RASSF5: variants seen among roughly 807,000 people sequenced by gnomAD.
RASSF5 encodes Ras association domain family member 5, also known as ras association domain-containing protein 5.
A neutral mutation model predicts 40.5 loss-of-function variants in RASSF5; 25 were observed. The observed-to-expected ratio is 0.62, with a 90% CI of 0.45 to 0.86. The LOEUF (loss-of-function observed/expected upper bound fraction) is 0.86, where lower values mean the gene tolerates loss of function less well. Among genes scored for constraint, RASSF5 ranks in the 40% least tolerant of loss-of-function variants. The pLI is 0.00. For synonymous variants in RASSF5, 246 were observed against 252.4 expected (o/e 0.97, Z 0.24); for missense variants, 521 against 572.8 (o/e 0.91, Z 0.92).
At chr1:206,518,563 G>T in intron 1 of RASSF5, 2 of 398,646 alleles carry the variant, frequency 5.0e-6, no homozygotes, top group South Asian at 2.6e-4. Flanking sequence ...AAGCCAATCT[G>T]ACTGGGGGAG....
chr1:206,559,858 G>A (rs1435656786), intron 2 of RASSF5, among the ~76,000 whole-genome samples: 1 of 152,222 alleles, frequency 6.6e-6, no homozygotes. Flanking sequence ...GCAGGGCTGG[G>A]TGAGCAAGTG....
Position 206,536,458 on chromosome 1 carries a change from C to T in RASSF5, c.458-1714C>T, listed in dbSNP as rs1397226124. Among the ~76,000 whole-genome samples the T allele has an allele frequency of 2.0e-5, 3 of 151,996 alleles. No individual in the cohort carries two copies. In the East Asian group the frequency reaches 5.8e-4, roughly 29 times the overall value. Reference sequence around the variant, plus strand: ...GTGTGTCCCCACATTTGTCAGGGTGCTCCCCTATGGACATTAGTGGCAAAA... The same window carrying T: ...GTGTGTCCCCACATTTGTCAGGGTGTTCCCCTATGGACATTAGTGGCAAAA... On this transcript the variant is annotated intron_variant, in intron 1 of 5. Coordinates refer to ENST00000579436, the MANE Select transcript of RASSF5 (RefSeq NM_182663.4).
At chr1:206,551,441 A>G (rs1419955379) in intron 2 of RASSF5, among the ~76,000 whole-genome samples, 1 of 152,176 alleles carries the variant, frequency 6.6e-6, no homozygotes, top group Non-Finnish European at 1.5e-5. Context: ...AGCTTTCTCC[A>G]TGGCTCCTTC....
In RASSF5 at chr1:206,507,897, C is replaced by T; in HGVS notation, c.295C>T (p.Arg99Ter). The T allele has an allele frequency of 6.7e-7, 1 of 1,503,098 alleles. No individual in the cohort carries two copies. The highest frequency in any genetic ancestry group is 8.8e-7 in the Non-Finnish European group (1 of 1,133,346). The allele number at this position is 1,503,098 out of a possible 1,614,324, so 93.1% of individuals were successfully genotyped here. A position where few individuals can be genotyped will look rare whatever the true frequency, so the allele number is the denominator to read the frequency against. Residue 99 changes from arginine to a stop codon, truncating the protein, a stop_gained, in exon 1 of 6, where the codon CGA becomes TGA. Transcript: ENST00000579436. LOFTEE classifies it high-confidence loss of function. ...ACTGCGGCGGCGGCCTGGAGCGCCC[C>T]GACCCCGCGACGTGCGGAGCATCTT... is the stretch of plus-strand genomic sequence containing the variant. ...QRLRRRPGAP[R>*]PRDVRSIFEQ...
chr1:206,573,532 AC>A (rs1668527576), intron 2 of RASSF5, among the ~76,000 whole-genome samples: 1 of 152,232 alleles, frequency 6.6e-6, no homozygotes, highest in African/African-American at 2.4e-5. Context: ...TCACTACTGC[AC>A]TGTAATTCCT....
chr1:206,545,345 GTTTTTT>G (rs10709687), intron 2 of RASSF5, among the ~76,000 whole-genome samples: 1 of 130,268 alleles, frequency 7.7e-6, no homozygotes, highest in Admixed American at 7.7e-5. Context: ...AATTTCTTGT[GTTTTTT>G]TTTTTTTTTT....
chr1:206,569,916 G>A (rs1553403930), intron 2 of RASSF5, among the ~76,000 whole-genome samples: 1 of 152,154 alleles, frequency 6.6e-6, no homozygotes, highest in Non-Finnish European at 1.5e-5. Flanking sequence ...TGGAGGCCCA[G>A]TTGCTTAGAT....
At chr1:206,548,694 T>C (rs1294563005) in intron 2 of RASSF5, among the ~76,000 whole-genome samples, 3 of 152,206 alleles carry the variant, frequency 2.0e-5, no homozygotes, top group Non-Finnish European at 4.4e-5. Context: ...TCTGTGGATT[T>C]ATAGTTTTCA....
rs566648939 is a variant in RASSF5, at chr1:206,580,164, G to A, written c.580-3105G>A. Among the ~76,000 whole-genome samples the A allele has an allele frequency of 4.6e-5, 7 of 152,284 alleles. No homozygotes were observed. The South Asian group carries it at 1.5e-3, about 32-fold the overall frequency. The stretch of plus-strand genomic sequence containing the variant: ...GTGGTGGGAAGGGGAGAGATAGATG[G>A]GTCTATCTGCTGAAGAAAGGGGAAC... On this transcript the variant is annotated intron_variant, in intron 2 of 5. Coordinates refer to ENST00000579436, the MANE Select transcript of RASSF5 (RefSeq NM_182663.4).
chr1:206,537,854 A>G (rs1667456809), intron 1 of RASSF5, among the ~76,000 whole-genome samples: 1 of 152,228 alleles, frequency 6.6e-6, no homozygotes, highest in Non-Finnish European at 1.5e-5. Flanking sequence ...TGGGAGGCAG[A>G]AGTTCTGACC....
intron 2 of RASSF5, among the ~76,000 whole-genome samples, chr1:206,554,529 G>C (rs1553401488): frequency 6.6e-6 from 1 of 152,228 alleles, no homozygotes; most frequent in African/African-American, 2.4e-5. Flanking sequence ...GGCTCTGGCT[G>C]CTACAGCTTT....
intron 5 of RASSF5, 84 bp downstream of exon 5, chr1:206,585,379 A>G: frequency 1.0e-6 from 1 of 956,484 alleles, no homozygotes; most frequent in East Asian, 2.4e-5. Context: ...TACCTCACAT[A>G]GGTGGGAGCC....
intron 2 of RASSF5, among the ~76,000 whole-genome samples, chr1:206,549,022 C>T (rs1235919213): frequency 2.6e-5 from 4 of 152,030 alleles, no homozygotes; most frequent in African/African-American, 9.7e-5. Flanking sequence ...CCTGCCAACG[C>T]TCCCAGCTAA....
chr1:206,551,510 T>C (rs1667840118), intron 2 of RASSF5, among the ~76,000 whole-genome samples: 1 of 152,234 alleles, frequency 6.6e-6, no homozygotes, highest in Admixed American at 6.5e-5. Context: ...CAGTGATTCC[T>C]TTGCACTGGA....
rs1667855439 is a variant in RASSF5 at position 206,552,034 on chromosome 1, G to A, written c.579+13741G>A. 6.6e-6 allele frequency among the ~76,000 whole-genome samples: 1 copy of A among 152,220 alleles called. No individual in the cohort carries two copies. Among genetic ancestry groups the A allele is most frequent in the Non-Finnish European group, 1.5e-5 (1 of 68,036 alleles). ...CAGACCCTGACATGAGTTCTTGAGGGTGTGGACAACTGGGGTAACTCAGCT... is the reference window on the plus strand; with the variant it reads ...CAGACCCTGACATGAGTTCTTGAGGATGTGGACAACTGGGGTAACTCAGCT... On this transcript the variant is annotated intron_variant, in intron 2 of 5. Coordinates refer to ENST00000579436, the MANE Select transcript of RASSF5 (RefSeq NM_182663.4). This position sits in a 1 kb window ranked among gnomAD's most constrained non-coding sequence, Gnocchi z 4.1.
rs1347277730 is a variant in RASSF5, at chr1:206,579,076, G to A, written c.580-4193G>A. Among the ~76,000 whole-genome samples, 2 of 152,132 alleles carry A rather than the reference G, an allele frequency of 1.3e-5. No homozygotes were observed. Among genetic ancestry groups the A allele is most frequent in the Non-Finnish European group, 2.9e-5 (2 of 68,024 alleles). ...CCCTAGCACCCAGCCTCTTTACATG[G>A]CTGTTCCCCAATCACCTCCAGAGCT... On this transcript the variant is annotated intron_variant, in intron 2 of 5. Coordinates refer to ENST00000579436, the MANE Select transcript of RASSF5 (RefSeq NM_182663.4). This position sits in a 1 kb window ranked among gnomAD's most constrained non-coding sequence, Gnocchi z 4.2.
chr1:206,521,258 T>C (rs1237110018), intron 1 of RASSF5, among the ~76,000 whole-genome samples: 4 of 152,096 alleles, frequency 2.6e-5, no homozygotes, highest in African/African-American at 9.7e-5. Context: ...AAAGAAACCT[T>C]TGTGTGTCTC....
intron 2 of RASSF5, among the ~76,000 whole-genome samples, chr1:206,555,270 T>C (rs1667948756): frequency 6.6e-6 from 1 of 152,124 alleles, no homozygotes; most frequent in African/African-American, 2.4e-5. Flanking sequence ...GGCTTGGTGT[T>C]TGAATAGGTT....
chr1:206,537,286 G>A (rs1390773435), intron 1 of RASSF5, among the ~76,000 whole-genome samples: 1 of 152,130 alleles, frequency 6.6e-6, no homozygotes, highest in Non-Finnish European at 1.5e-5. Context: ...GAACATTGTC[G>A]ATGGAATGTG....
Sources: gnomAD v4.1 joint callset for allele counts (sites outside exome capture counted in the v4.1 genomes callset) on GRCh38, gnomAD v4.1.1 for gene constraint, Gnocchi (gnomAD v3.1) non-coding constraint, MANE v1.5 for transcripts, NCBI Gene and HGNC (gene_info 2026-07-23, HGNC 2026-07-21) for gene names.